Variants in METTL15 observed in about 807,000 individuals in gnomAD.
METTL15 encodes the protein methyltransferase 15, mitochondrial 12S rRNA N4-cytidine, also known as 12S rRNA N(4)-cytidine methyltransferase METTL15.
A neutral mutation model predicts 38.3 loss-of-function variants in METTL15; 34 were observed. The ratio of observed to expected loss-of-function variants is 0.89; its 90% CI spans 0.68 to 1.18. METTL15 has a LOEUF of 1.18. Among genes scored for constraint, METTL15 ranks in the 50% most tolerant of loss-of-function variants. The probability of loss-of-function intolerance (pLI) is 0.00; values close to 1 mark genes in which losing one functional copy is unlikely to be tolerated. For synonymous variants in METTL15, 162 were observed against 170.9 expected (o/e 0.95, Z 0.41); for missense variants, 438 against 498.4 (o/e 0.88, Z 1.15).
chr11:28,376,673 G>T (rs374817266), intron 5 of METTL15, among the ~76,000 whole-genome samples: 32 of 151,766 alleles, frequency 2.1e-4, no homozygotes, highest in African/African-American at 5.6e-4. Flanking sequence ...AAAGTTAATA[G>T]TGTTATGTGT....
rs192316756 is a variant in METTL15, at chr11:28,518,633, T to C, written c.*425-7845T>C. ...TGTCATCCTCATACTGGTGGTGAAG[T>C]AAGTAAGGAAAATTCAGGGTAACAC... On this transcript the variant is annotated intron_variant and NMD_transcript_variant, in intron 6 of 7. Coordinates refer to the METTL15 transcript ENST00000532947. Among the ~76,000 whole-genome samples the C allele has an allele frequency of 1.4e-3, 212 of 152,238 alleles. 1 individual carries two copies. Among genetic ancestry groups the C allele is most frequent in the Middle Eastern group, 0.01 (3 of 294 alleles).
intron 3 of METTL15, among the ~76,000 whole-genome samples, chr11:28,152,552 C>CT (rs888515612): frequency 1.0e-4 from 15 of 150,078 alleles, no homozygotes; most frequent in South Asian, 4.2e-4. Context: ...CTTTGAGGGC[C>CT]TTTTTTTTTG....
chr11:28,344,788 A>C (rs1849982736), intron 3 of METTL15, among the ~76,000 whole-genome samples: 1 of 152,244 alleles, frequency 6.6e-6, no homozygotes, highest in Non-Finnish European at 1.5e-5. Context: ...TAGATTGACT[A>C]TTCTAGACTA....
At chr11:28,209,158 A>G (rs954742000) in intron 3 of METTL15, among the ~76,000 whole-genome samples, 2 of 151,936 alleles carry the variant, frequency 1.3e-5, no homozygotes, top group Non-Finnish European at 2.9e-5. Flanking sequence ...AATGATGATG[A>G]TTTTTCTTTA....
intron 6 of METTL15, among the ~76,000 whole-genome samples, chr11:28,437,375 TA>T (rs1850992924): frequency 6.6e-6 from 1 of 152,204 alleles, no homozygotes; most frequent in African/African-American, 2.4e-5. Flanking sequence ...AGGTGCTTAA[TA>T]GATATTTTGC....
intron 4 of METTL15, among the ~76,000 whole-genome samples, chr11:28,216,134 A>AT (rs1565174026): frequency 6.6e-6 from 1 of 152,114 alleles, no homozygotes; most frequent in Non-Finnish European, 1.5e-5. Context: ...TGTTTTTTAG[A>AT]TTTGGATGAT....
At chr11:28,391,455 G>T (rs574895623) in intron 5 of METTL15, among the ~76,000 whole-genome samples, 2 of 152,090 alleles carry the variant, frequency 1.3e-5, no homozygotes, top group South Asian at 2.1e-4. Context: ...GTGGAATTTT[G>T]TCAAAGACCT....
At chr11:28,335,005 T>A (rs1849887991), downstream of METTL15, among the ~76,000 whole-genome samples, 2 of 152,316 alleles carry the variant, frequency 1.3e-5, no homozygotes, top group South Asian at 4.1e-4. Flanking sequence ...ACAAGTTTTC[T>A]ACTATTAGCT....
At chr11:28,470,264 T>C (rs1243416112) in intron 6 of METTL15, among the ~76,000 whole-genome samples, 4 of 152,152 alleles carry the variant, frequency 2.6e-5, no homozygotes, top group African/African-American at 9.7e-5. Flanking sequence ...ATATTGGAGA[T>C]TGCTAGTTGT....
intron 3 of METTL15, among the ~76,000 whole-genome samples, chr11:28,183,368 C>T (rs1326531340): frequency 6.6e-6 from 1 of 152,026 alleles, no homozygotes; most frequent in East Asian, 1.9e-4. Flanking sequence ...AGTTTTTGCC[C>T]ATTCCATATG....
At chr11:28,352,397 G>T (rs949864918) in intron 4 of METTL15, among the ~76,000 whole-genome samples, 5 of 152,180 alleles carry the variant, frequency 3.3e-5, no homozygotes, top group African/African-American at 1.2e-4. Context: ...ACTAGGGCAG[G>T]ATAGTAGGGG....
downstream of METTL15, among the ~76,000 whole-genome samples, chr11:28,337,207 A>C (rs2133351103): frequency 6.6e-6 from 1 of 152,268 alleles, no homozygotes; most frequent in African/African-American, 2.4e-5. Flanking sequence ...ATAAGGTAAA[A>C]AACTTACTTT....
intron 6 of METTL15, among the ~76,000 whole-genome samples, chr11:28,327,282 A>G (rs1427581364): frequency 2.6e-5 from 4 of 152,210 alleles, no homozygotes. Flanking sequence ...AAAAGTGAGA[A>G]GGCCCCAGAA....
chr11:28,426,956 A>C (rs1850871221), intron 6 of METTL15, among the ~76,000 whole-genome samples: 1 of 151,628 alleles, frequency 6.6e-6, no homozygotes, highest in Non-Finnish European at 1.5e-5. Flanking sequence ...CCATTTGTGA[A>C]TTTTTGCTTT....
At chr11:28,317,532 G>A (rs924104739) in intron 6 of METTL15, among the ~76,000 whole-genome samples, 1 of 152,130 alleles carries the variant, frequency 6.6e-6, no homozygotes, top group Non-Finnish European at 1.5e-5. Context: ...ACAGCACGAT[G>A]CTAATTTCAT....
intron 3 of METTL15, among the ~76,000 whole-genome samples, chr11:28,171,658 TG>T (rs893856439): frequency 1.3e-5 from 2 of 152,174 alleles, no homozygotes; most frequent in Non-Finnish European, 2.9e-5. Context: ...GTGATGTTAT[TG>T]GGTTCCTAAC....
chr11:28,308,156 G>A (rs927361618), intron 6 of METTL15, among the ~76,000 whole-genome samples: 12 of 151,844 alleles, frequency 7.9e-5, no homozygotes, highest in African/African-American at 2.9e-4. Flanking sequence ...AAGTCTGCTT[G>A]TCTTTATTTT....
chr11:28,149,174 C>G lies in METTL15; in HGVS notation c.270+35570C>G, dbSNP rs1206133085. On this transcript the variant is annotated intron_variant, in intron 3 of 6. Transcript: ENST00000407364. Reference sequence around the variant, plus strand: ...CTTTATCATCACATCTTCTGGACTTCAATTCATTTTCTGATTTTTTTTTTT... The same window carrying G: ...CTTTATCATCACATCTTCTGGACTTGAATTCATTTTCTGATTTTTTTTTTT... 2.0e-5 allele frequency among the ~76,000 whole-genome samples: 3 copies of G among 150,444 alleles called. No homozygotes were observed. The East Asian group carries it at 6.0e-4, about 30-fold the overall frequency.
chr11:28,293,599 A>G (rs1248009410), intron 5 of METTL15, among the ~76,000 whole-genome samples: 3 of 150,326 alleles, frequency 2.0e-5, no homozygotes, highest in Non-Finnish European at 3.0e-5. Context: ...GAAGAAAGTC[A>G]TTGGTAGCTT....
Sources: gnomAD v4.1 joint callset for allele counts (sites outside exome capture counted in the v4.1 genomes callset) on GRCh38, gnomAD v4.1.1 for gene constraint, MANE v1.5 for transcripts, NCBI Gene and HGNC (gene_info 2026-07-23, HGNC 2026-07-21) for gene names.